Variants in HDAC9 observed in about 807,000 individuals in gnomAD.
HDAC9 encodes the protein MEF-2 interacting transcription repressor (MITR) protein.
A neutral mutation model predicts 139.4 loss-of-function variants in HDAC9; 41 were observed. The ratio of observed to expected loss-of-function variants is 0.29; its 90% CI spans 0.23 to 0.38. The LOEUF is 0.38. Ranked by LOEUF, HDAC9 falls within the 10% of genes least tolerant of loss-of-function variation. The probability of loss-of-function intolerance (pLI) is 1.00; values close to 1 mark genes in which losing one functional copy is unlikely to be tolerated. For missense variants in HDAC9, 1,147 were observed against 1,297.0 expected (o/e 0.88, Z 1.78); for synonymous variants, 517 against 476.2 (o/e 1.09, Z -1.12).
intron 1 of HDAC9, among the ~76,000 whole-genome samples, chr7:18,353,142 C>A (rs1323818113): frequency 6.6e-6 from 1 of 152,042 alleles, no homozygotes; most frequent in Non-Finnish European, 1.5e-5. Context: ...CTATACATGA[C>A]CCTGTGTTAT....
intron 12 of HDAC9, among the ~76,000 whole-genome samples, chr7:18,691,411 A>G (rs572187315): frequency 6.6e-6 from 1 of 152,168 alleles, no homozygotes; most frequent in South Asian, 2.1e-4. Context: ...TATTCATTTA[A>G]GTACCAAAGA....
chr7:18,135,505 A>G (rs1403060282), intron 1 of HDAC9, among the ~76,000 whole-genome samples: 8 of 126,146 alleles, frequency 6.3e-5, no homozygotes, highest in Non-Finnish European at 1.3e-4. Flanking sequence ...TCCTGTGTCC[A>G]TGTGATCTCA....
intron 14 of HDAC9, among the ~76,000 whole-genome samples, chr7:18,751,648 A>G (rs924191601): frequency 6.6e-6 from 1 of 152,082 alleles, no homozygotes; most frequent in Non-Finnish European, 1.5e-5. Flanking sequence ...CACTTTTAAG[A>G]TACCTAGGAC....
chr7:18,927,035 T>G (rs1804294874), intron 22 of HDAC9, among the ~76,000 whole-genome samples: 1 of 152,182 alleles, frequency 6.6e-6, no homozygotes, highest in African/African-American at 2.4e-5. Context: ...ATCAAATAAG[T>G]AAAATCTTAA....
rs188178157 is a variant in HDAC9 at position 18,413,526 on chromosome 7, C to G, written c.-41-82736C>G. On this transcript the variant is annotated intron_variant, in intron 1 of 3. Transcript: ENST00000413509. ...TGTTGAGCATTTTCACTGTTTATTA[C>G]TACATCAACAGTATGATAACATTGT... 5.3e-5 allele frequency among the ~76,000 whole-genome samples: 8 copies of G among 152,204 alleles called. No individual in the cohort carries two copies. In the East Asian group the frequency reaches 1.5e-3, roughly 29 times the overall value.
At position 18,567,707 on chromosome 7, in the gene HDAC9, A is replaced by T. The variant is rs149560081; in HGVS notation, c.23-17574A>T. Reference sequence around the variant, plus strand: ...ATTTTTCCCATAGTTTTTAAACAATACCTAACTACCAGAACTATCTTGCAT... The same window carrying T: ...ATTTTTCCCATAGTTTTTAAACAATTCCTAACTACCAGAACTATCTTGCAT... On this transcript the variant is annotated intron_variant, in intron 2 of 25. Coordinates refer to ENST00000686413, the MANE Select transcript of HDAC9 (RefSeq NM_178425.4). 3.4e-3 allele frequency among the ~76,000 whole-genome samples: 519 copies of T among 152,244 alleles called. 35 individuals carry two copies. In the East Asian group the frequency reaches 0.088, roughly 26 times the overall value.
chr7:18,791,524 C>G (rs1366100807), intron 16 of HDAC9, among the ~76,000 whole-genome samples: 1 of 152,210 alleles, frequency 6.6e-6, no homozygotes, highest in Middle Eastern at 3.4e-3. Context: ...AATAATAAAA[C>G]CTTCAATTTA....
intron 12 of HDAC9, among the ~76,000 whole-genome samples, chr7:18,672,335 C>T (rs1334049228): frequency 6.6e-6 from 1 of 151,884 alleles, no homozygotes; most frequent in Non-Finnish European, 1.5e-5. Context: ...TGCTTATTGG[C>T]CATTTCTATA....
intron 2 of HDAC9, among the ~76,000 whole-genome samples, chr7:18,514,614 G>T (rs1802583021): frequency 2.0e-5 from 3 of 152,130 alleles, no homozygotes; most frequent in Non-Finnish European, 4.4e-5. Flanking sequence ...ATTGTTTCCA[G>T]CTATCTTTTT....
In HDAC9 at chr7:18,734,689, A is replaced by G. The variant is rs191259540; in HGVS notation, c.1909+6932A>G. Reference sequence around the variant, plus strand: ...CTTTCCTGTTGTGAATAGTGCTACAATAAACATACATGTGCATGTGTCTTT... The same window carrying G: ...CTTTCCTGTTGTGAATAGTGCTACAGTAAACATACATGTGCATGTGTCTTT... On this transcript the variant is annotated intron_variant, in intron 13 of 25. Coordinates refer to ENST00000686413, the MANE Select transcript of HDAC9 (RefSeq NM_178425.4). Among the ~76,000 whole-genome samples, 7 of 152,370 alleles carry G rather than the reference A, an allele frequency of 4.6e-5. No individual in the cohort carries two copies. In the East Asian group the frequency reaches 7.7e-4, roughly 17 times the overall value.
At chr7:18,861,087 C>A (rs899187031) in intron 21 of HDAC9, among the ~76,000 whole-genome samples, 1 of 152,082 alleles carries the variant, frequency 6.6e-6, no homozygotes, top group Non-Finnish European at 1.5e-5. Context: ...CATTTGAAAT[C>A]ATAATAAAAT....
rs896307573 is a variant in HDAC9 at position 18,387,735 on chromosome 7, A to C, written c.-42+97220A>C. On this transcript the variant is annotated intron_variant, in intron 1 of 3. Coordinates refer to the HDAC9 transcript ENST00000413509. ...AAATAAATGATTAAATAATAATATC[A>C]GTTGGTATAGGGATAAGCGAATAAA... 5.5e-4 allele frequency among the ~76,000 whole-genome samples: 84 copies of C among 152,342 alleles called. 1 individual carries two copies. Among genetic ancestry groups the C allele is most frequent in the Admixed American group, 5.4e-3 (83 of 15,308 alleles).
At chr7:18,871,597 T>C (rs544148602) in intron 21 of HDAC9, among the ~76,000 whole-genome samples, 1 of 152,338 alleles carries the variant, frequency 6.6e-6, no homozygotes, top group African/African-American at 2.4e-5. Context: ...ATTCTTTGTT[T>C]GCTAACTTTA....
At chr7:18,218,449 A>G (rs1473523724) in intron 2 of HDAC9, among the ~76,000 whole-genome samples, 1 of 152,048 alleles carries the variant, frequency 6.6e-6, no homozygotes, top group Non-Finnish European at 1.5e-5. Context: ...GTCTCAAAAT[A>G]AATAAATAAA....
chr7:18,892,568 T>G (rs559738185), intron 22 of HDAC9: 1 of 152,274 alleles, frequency 6.6e-6, no homozygotes, highest in East Asian at 1.9e-4. Context: ...ACCGCTATTC[T>G]TTCTTCTCTC....
chr7:18,393,306 A>T (rs1786717704), intron 1 of HDAC9, among the ~76,000 whole-genome samples: 2 of 152,102 alleles, frequency 1.3e-5, no homozygotes, highest in Non-Finnish European at 2.9e-5. Context: ...ATTAGGAAAA[A>T]TGTATTTTGG....
intron 13 of HDAC9, among the ~76,000 whole-genome samples, chr7:18,744,149 C>A (rs530247775): frequency 6.6e-6 from 1 of 151,670 alleles, no homozygotes; most frequent in Non-Finnish European, 1.5e-5. Context: ...TACCACCACA[C>A]CTGGCTAATT....
intron 1 of HDAC9, among the ~76,000 whole-genome samples, chr7:18,374,916 T>C (rs576166097): frequency 6.6e-6 from 1 of 152,230 alleles, no homozygotes; most frequent in African/African-American, 2.4e-5. Context: ...TGTAAAGCAT[T>C]CCTCACGTGT....
At chr7:18,166,618 A>G (rs190782449) in intron 2 of HDAC9, among the ~76,000 whole-genome samples, 1 of 152,356 alleles carries the variant, frequency 6.6e-6, no homozygotes, top group Admixed American at 6.5e-5. Context: ...CTTCTCTGCA[A>G]GCATTTTTAA....
Sources: allele counts gnomAD v4.1 joint callset (sites outside exome capture counted in the v4.1 genomes callset), GRCh38; gene constraint gnomAD v4.1.1; transcripts MANE v1.5; gene names NCBI Gene and HGNC (gene_info 2026-07-23, HGNC 2026-07-21).